Variants in DPYD observed in about 807,000 individuals in gnomAD.
DPYD encodes the protein dihydropyrimidine dehydrogenase [NADP(+)].
Under a neutral mutation model 116.2 loss-of-function variants are expected in DPYD, and 109 were observed. The observed-to-expected ratio is 0.94, with a 90% confidence interval of 0.80 to 1.10. The LOEUF is 1.10. Ranked by LOEUF, DPYD falls within the 50% of genes least tolerant of loss-of-function variation. DPYD has a pLI of 0.00. For missense variants in DPYD, 1,302 were observed against 1,254.5 expected (o/e 1.04, Z -0.57); for synonymous variants, 440 against 432.0 (o/e 1.02, Z -0.23).
At chr1:97,271,858 C>T (rs1290684721) in intron 18 of DPYD, among the ~76,000 whole-genome samples, 1 of 152,126 alleles carries the variant, frequency 6.6e-6, no homozygotes, top group Non-Finnish European at 1.5e-5. Context: ...ATTTGACATT[C>T]ACTCTGTTCT....
At chr1:97,206,552 C>CT (rs1373547771) in intron 19 of DPYD, among the ~76,000 whole-genome samples, 1 of 148,482 alleles carries the variant, frequency 6.7e-6, no homozygotes, top group Non-Finnish European at 1.5e-5. Context: ...CCACAGGATC[C>CT]TTTCTTGTAA....
intron 19 of DPYD, among the ~76,000 whole-genome samples, chr1:97,203,127 T>A (rs1405321297): frequency 6.6e-6 from 1 of 152,140 alleles, no homozygotes; most frequent in Non-Finnish European, 1.5e-5. Flanking sequence ...ACATCGTTTC[T>A]CACCATCAGG....
intron 8 of DPYD, among the ~76,000 whole-genome samples, chr1:97,640,195 A>T (rs1183574732): frequency 6.6e-6 from 1 of 152,068 alleles, no homozygotes; most frequent in Non-Finnish European, 1.5e-5. Context: ...TTAAGAAAAA[A>T]CTTCTAAGAA....
intron 3 of DPYD, among the ~76,000 whole-genome samples, chr1:97,750,391 G>T (rs973493406): frequency 3.3e-5 from 5 of 151,902 alleles, no homozygotes; most frequent in African/African-American, 1.2e-4. Flanking sequence ...TGTTTGTTAT[G>T]AAAAAAACAG....
chr1:97,495,681 T>A (rs910452164), intron 13 of DPYD, among the ~76,000 whole-genome samples: 8 of 152,094 alleles, frequency 5.3e-5, no homozygotes, highest in African/African-American at 1.9e-4. Context: ...CTTTTACAGC[T>A]GGTATCATGA....
intron 20 of DPYD, among the ~76,000 whole-genome samples, chr1:97,111,883 G>A (rs146135782): frequency 7.2e-5 from 11 of 152,028 alleles, no homozygotes; most frequent in Middle Eastern, 3.4e-3. Context: ...TGACTTAGTC[G>A]TGTTTTACTT....
intron 16 of DPYD, among the ~76,000 whole-genome samples, chr1:97,325,791 A>T (rs1172419495): frequency 1.3e-5 from 2 of 151,976 alleles, no homozygotes; most frequent in African/African-American, 4.8e-5. Flanking sequence ...TGACTAAAAA[A>T]TACTTAAGAA....
chr1:97,267,089 C>T (rs529856793), intron 18 of DPYD, among the ~76,000 whole-genome samples: 2 of 152,222 alleles, frequency 1.3e-5, no homozygotes, highest in East Asian at 3.9e-4. Flanking sequence ...GTTCTAGATC[C>T]TTGAGGAATT....
intron 2 of DPYD, among the ~76,000 whole-genome samples, chr1:97,838,627 T>C (rs972691855): frequency 1.3e-4 from 20 of 150,474 alleles, no homozygotes; most frequent in Non-Finnish European, 1.8e-4. Context: ...GGGTGGATCA[T>C]GAGGTCAGGA....
chr1:97,484,398 T>C (rs1678499428), intron 13 of DPYD, among the ~76,000 whole-genome samples: 1 of 152,216 alleles, frequency 6.6e-6, no homozygotes, highest in African/African-American at 2.4e-5. Flanking sequence ...GGTTTTTGCT[T>C]TCTTTATAGA....
rs185609081 is a variant in DPYD, at chr1:97,313,903, C to T, written c.2059-7606G>A. Among the ~76,000 whole-genome samples, 359 of 151,994 alleles carry T rather than the reference C, an allele frequency of 2.4e-3. 3 individuals carry two copies. Among genetic ancestry groups the T allele is most frequent in the South Asian group, 0.021 (101 of 4,824 alleles). ...TTACTCTTTTATCCTAGCAAAGAGC[C>T]TGGTACATGAAAGACAATAAATACC... is the stretch of plus-strand genomic sequence containing the variant. On this transcript the variant is annotated intron_variant, in intron 16 of 22. Coordinates refer to ENST00000370192, the MANE Select transcript of DPYD (RefSeq NM_000110.4).
chr1:97,281,892 A>G (rs1424313982), intron 18 of DPYD, among the ~76,000 whole-genome samples: 1 of 152,088 alleles, frequency 6.6e-6, no homozygotes, highest in African/African-American at 2.4e-5. Context: ...TTGCCTTTAA[A>G]TATTTTACCA....
chr1:97,361,932 T>C (rs1406387246), intron 16 of DPYD, among the ~76,000 whole-genome samples: 1 of 152,176 alleles, frequency 6.6e-6, no homozygotes, highest in South Asian at 2.1e-4. Flanking sequence ...CTATTACACA[T>C]AGTGTTGGAA....
intron 5 of DPYD, among the ~76,000 whole-genome samples, chr1:97,713,359 T>C (rs980128297): frequency 6.6e-6 from 1 of 152,126 alleles, no homozygotes; most frequent in Non-Finnish European, 1.5e-5. Flanking sequence ...ATTTTAACCA[T>C]GCGATTTCGT....
chr1:97,683,636 A>G lies in DPYD; in HGVS notation c.763-4454T>C, dbSNP rs144341535. ...TATTTCTATTTAAATTCTGAGTTGC[A>G]TTACAAAAAAAGGTATAAATAAACA... On this transcript the variant is annotated intron_variant, in intron 7 of 22. Transcript: ENST00000370192. 1.2e-4 allele frequency among the ~76,000 whole-genome samples: 18 copies of G among 152,216 alleles called. No individual in the cohort carries two copies. In the East Asian group the frequency reaches 2.1e-3, roughly 18 times the overall value.
At chr1:97,768,804 A>C (rs2101152368) in intron 3 of DPYD, among the ~76,000 whole-genome samples, 1 of 152,086 alleles carries the variant, frequency 6.6e-6, no homozygotes, top group African/African-American at 2.4e-5. Context: ...TTAAATGAAA[A>C]GGCTAAATGA....
intron 12 of DPYD, among the ~76,000 whole-genome samples, chr1:97,529,111 C>A (rs527424902): frequency 1.2e-4 from 19 of 152,198 alleles, no homozygotes; most frequent in Non-Finnish European, 2.6e-4. Flanking sequence ...CTGATGTATT[C>A]TTTTTCCATA....
rs186338771 is a variant in DPYD at position 97,593,473 on chromosome 1, G to A, written c.959-86C>T. On this transcript the variant is annotated intron_variant, in intron 9 of 22. Transcript: ENST00000370192. ...AAAAGATACTTGTACTCAAAGCAGT[G>A]TAAAATTGCATCTTGCAGTTTTCCA... The A allele has an allele frequency of 2.8e-5, 42 of 1,510,658 alleles. No homozygotes were observed. In the East Asian group the frequency reaches 8.6e-4, roughly 31 times the overall value. The allele number at this position is 1,510,658 out of a possible 1,614,324, so 93.6% of individuals were successfully genotyped here.
At chr1:97,399,821 T>C (rs1310531812) in intron 14 of DPYD, among the ~76,000 whole-genome samples, 1 of 152,212 alleles carries the variant, frequency 6.6e-6, no homozygotes, top group African/African-American at 2.4e-5. Context: ...TTTGTTGAAG[T>C]TGCTTATCAG....
Sources: gnomAD v4.1 joint callset for allele counts (sites outside exome capture counted in the v4.1 genomes callset) on GRCh38, gnomAD v4.1.1 for gene constraint, MANE v1.5 for transcripts, NCBI Gene and HGNC (gene_info 2026-07-23, HGNC 2026-07-21) for gene names.